PDE1C: variants seen among roughly 807,000 people sequenced by gnomAD.
The protein encoded by PDE1C is dual specificity calcium/calmodulin-dependent 3',5'-cyclic nucleotide phosphodiesterase 1C.
Under a neutral mutation model 93.1 loss-of-function variants are expected in PDE1C, and 62 were observed. The ratio of observed to expected loss-of-function variants is 0.67; its 90% CI spans 0.54 to 0.82. PDE1C has a LOEUF of 0.82. Among genes scored for constraint, PDE1C ranks in the 40% least tolerant of loss-of-function variants. The probability of loss-of-function intolerance (pLI) is 0.00; values close to 1 mark genes in which losing one functional copy is unlikely to be tolerated. For synonymous variants in PDE1C, 325 were observed against 310.1 expected (o/e 1.05, Z -0.50); for missense variants, 742 against 884.6 (o/e 0.84, Z 2.04).
chr7:31,909,095 A>C (rs1414011307), intron 2 of PDE1C, among the ~76,000 whole-genome samples: 1 of 152,024 alleles, frequency 6.6e-6, no homozygotes, highest in Non-Finnish European at 1.5e-5. Context: ...GAAGTCTCTT[A>C]TTATGTATCT....
At chr7:32,284,014 ATT>A (rs1811847197) in intron 1 of PDE1C, among the ~76,000 whole-genome samples, 7 of 152,178 alleles carry the variant, frequency 4.6e-5, no homozygotes, top group Admixed American at 3.3e-4. Context: ...GAGGACATTT[ATT>A]AACACCAACA....
At chr7:31,779,806 A>G (rs1375414588) in intron 16 of PDE1C, among the ~76,000 whole-genome samples, 1 of 152,134 alleles carries the variant, frequency 6.6e-6, no homozygotes, top group East Asian at 1.9e-4. Context: ...ATTACCTATC[A>G]CTTTACTCAA....
chr7:31,861,010 A>AT (rs1794630004), intron 7 of PDE1C, among the ~76,000 whole-genome samples: 1 of 151,786 alleles, frequency 6.6e-6, no homozygotes, highest in Admixed American at 6.6e-5. Context: ...CTCACCTGCA[A>AT]TTTTTTTTCT....
chr7:31,946,180 A>T lies in PDE1C; in HGVS notation c.129-65320T>A, dbSNP rs376576584. ...GTAATATTTGAGTTTGGGTCTAATG[A>T]TTGTTTTGTTTCTTTATGTTGGGGA... On this transcript the variant is annotated intron_variant, in intron 2 of 17. Coordinates refer to ENST00000396191, the MANE Select transcript of PDE1C (RefSeq NM_001191057.4). 1.2e-3 allele frequency among the ~76,000 whole-genome samples: 178 copies of T among 152,192 alleles called. 1 individual carries two copies. The Middle Eastern group carries it at 0.017, about 15-fold the overall frequency.
chr7:32,360,271 CA>C (rs1377441675), intron 1 of PDE1C, among the ~76,000 whole-genome samples: 8 of 152,172 alleles, frequency 5.3e-5, no homozygotes, highest in Non-Finnish European at 8.8e-5. Context: ...TGTCTGGGAG[CA>C]AAACATGATT....
At chr7:32,045,707 T>C (rs1394114652) in intron 2 of PDE1C, among the ~76,000 whole-genome samples, 5 of 152,196 alleles carry the variant, frequency 3.3e-5, no homozygotes, top group Admixed American at 2.0e-4. Flanking sequence ...TCAAAGGTGC[T>C]GAAAGAACTT....
chr7:32,194,049 G>A (rs933533852), intron 2 of PDE1C, among the ~76,000 whole-genome samples: 7 of 151,756 alleles, frequency 4.6e-5, no homozygotes, highest in Admixed American at 1.3e-4. Flanking sequence ...TGAGTAGCTG[G>A]GACTACAGGC....
intron 3 of PDE1C, among the ~76,000 whole-genome samples, chr7:32,105,419 G>C (rs957942356): frequency 1.4e-5 from 2 of 145,664 alleles, no homozygotes; most frequent in Non-Finnish European, 3.1e-5. Flanking sequence ...GGAAAATTGG[G>C]TAAAAATCTG....
At chr7:32,256,494 C>T (rs1206897197) in intron 1 of PDE1C, among the ~76,000 whole-genome samples, 2 of 152,154 alleles carry the variant, frequency 1.3e-5, no homozygotes, top group Non-Finnish European at 1.5e-5. Flanking sequence ...GGCCTAATGG[C>T]AGCCAGCTCC....
At chr7:31,995,972 G>T (rs904426092) in intron 2 of PDE1C, among the ~76,000 whole-genome samples, 1 of 151,706 alleles carries the variant, frequency 6.6e-6, no homozygotes, top group Non-Finnish European at 1.5e-5. Context: ...TAGGTTTCTT[G>T]GGCAGCCTGC....
At chr7:32,286,844 T>C (rs372173231) in intron 1 of PDE1C, among the ~76,000 whole-genome samples, 6 of 152,214 alleles carry the variant, frequency 3.9e-5, no homozygotes, top group African/African-American at 1.2e-4. Flanking sequence ...GTGCCTAAAA[T>C]GAATATGGAT....
intron 3 of PDE1C, among the ~76,000 whole-genome samples, chr7:32,085,924 T>C (rs1274886670): frequency 7.4e-5 from 11 of 148,664 alleles, no homozygotes; most frequent in Non-Finnish European, 1.5e-4. Context: ...ACTGGAAGCA[T>C]TCCCTTTGAA....
intron 9 of PDE1C, among the ~76,000 whole-genome samples, chr7:31,844,245 AAATT>A (rs1329825717): frequency 9.9e-5 from 15 of 151,794 alleles, no homozygotes; most frequent in Admixed American, 2.0e-4. Flanking sequence ...ATTAATCTAA[AAATT>A]AATAAAATAT....
intron 1 of PDE1C, among the ~76,000 whole-genome samples, chr7:32,365,050 A>C (rs1784205013): frequency 6.6e-6 from 1 of 152,204 alleles, no homozygotes; most frequent in Non-Finnish European, 1.5e-5. Flanking sequence ...CAGAGCAGCT[A>C]TATGCCTACA....
intron 1 of PDE1C, among the ~76,000 whole-genome samples, chr7:32,313,033 C>A (rs1360986502): frequency 1.3e-5 from 2 of 151,794 alleles, no homozygotes; most frequent in African/African-American, 4.9e-5. Flanking sequence ...CCAGAATCTA[C>A]AATGAACTCA....
chr7:31,707,174 T>C, the PDE1C span: 2 of 1,596,808 alleles, frequency 1.3e-6, no homozygotes, highest in Admixed American at 1.7e-5. Context: ...TTAGAGGTAC[T>C]TAATTGCAGG....
chr7:31,995,300 A>G (rs1163699256), intron 2 of PDE1C, among the ~76,000 whole-genome samples: 1 of 152,172 alleles, frequency 6.6e-6, no homozygotes, highest in Admixed American at 6.5e-5. Context: ...TCAGAGGTCT[A>G]TTTTGTGAAC....
intron 2 of PDE1C, among the ~76,000 whole-genome samples, chr7:32,008,760 A>G (rs1204558779): frequency 6.6e-6 from 1 of 152,362 alleles, no homozygotes; most frequent in East Asian, 1.9e-4. Context: ...ACATGACTAT[A>G]TAACAACATA....
chr7:32,254,728 T>C (rs575257430), intron 1 of PDE1C, among the ~76,000 whole-genome samples: 9 of 152,268 alleles, frequency 5.9e-5, no homozygotes, highest in Admixed American at 2.6e-4. Flanking sequence ...TGTACACACA[T>C]GCCCAAGTGA....
Sources: gnomAD v4.1 joint callset for allele counts (sites outside exome capture counted in the v4.1 genomes callset) on GRCh38, gnomAD v4.1.1 for gene constraint, MANE v1.5 for transcripts, NCBI Gene and HGNC (gene_info 2026-07-23, HGNC 2026-07-21) for gene names.